Variants in PBX4 observed in about 807,000 individuals in gnomAD.
PBX4 encodes the protein pre-B-cell leukemia transcription factor 4.
In PBX4, 26 loss-of-function variants were observed where a neutral mutation model predicts 35.1. The ratio of observed to expected loss-of-function variants is 0.74; its 90% CI spans 0.54 to 1.03. The LOEUF is 1.03. PBX4 is among the 50% of genes least tolerant of loss of function. The pLI is 0.00. For synonymous variants in PBX4, 199 were observed against 204.2 expected, an observed-to-expected ratio of 0.97 and a Z score of 0.22; for missense variants, 448 against 504.3, an observed-to-expected ratio of 0.89 and a Z score of 1.07.
chr19:19,563,775 T>G lies in PBX4; in HGVS notation c.926-160A>C. ...CCCACCCAGGCAGGCCAGCGGGCCC[T>G]CCCCACCACACTACTCATGTCCCCT... On this transcript the variant is annotated intron_variant, in intron 6 of 7. Coordinates refer to ENST00000251203, the MANE Select transcript of PBX4 (RefSeq NM_025245.3). The surrounding 1 kb of genome is among the most constrained non-coding windows in gnomAD (Gnocchi z 5.1). 1 of 653,454 alleles carries G rather than the reference T, an allele frequency of 1.5e-6. No individual in the cohort carries two copies. The allele number at this position is 653,454 out of a possible 1,614,324, so 40.5% of individuals were successfully genotyped here.
intron 4 of PBX4, 142 bp from the exon 5 acceptor site, chr19:19,569,726 A>G (rs554384693): frequency 4.2e-6 from 5 of 1,178,558 alleles, no homozygotes; most frequent in East Asian, 5.1e-5. Flanking sequence ...CGTGGTCAAC[A>G]TAGTGAAACC....
chr19:19,606,195 T>TTTGTAAC, intron 1 of PBX4, among the ~76,000 whole-genome samples: 1 of 152,320 alleles, frequency 6.6e-6, no homozygotes, highest in South Asian at 2.1e-4. Flanking sequence ...AAGGTGATGG[T>TTTGTAAC]ATCATCTCTG....
intron 6 of PBX4, among the ~76,000 whole-genome samples, chr19:19,564,337 G>A (rs2061327634): frequency 6.6e-6 from 1 of 151,252 alleles, no homozygotes; most frequent in Non-Finnish European, 1.5e-5. Flanking sequence ...ATTTTTTATG[G>A]CTGCATAGTA....
At chr19:19,588,450 TG>T in intron 2 of PBX4, 1 of 966,696 alleles carries the variant, frequency 1.0e-6, no homozygotes, top group Non-Finnish European at 1.6e-6. Context: ...ACACAATTTT[TG>T]TATTTTTAGT....
chr19:19,589,577 C>T (rs549617932), intron 2 of PBX4, among the ~76,000 whole-genome samples: 2 of 152,162 alleles, frequency 1.3e-5, no homozygotes, highest in South Asian at 4.2e-4. Context: ...CGAAACCAGC[C>T]TGGCCAACGC....
intron 2 of PBX4, among the ~76,000 whole-genome samples, chr19:19,574,106 A>C (rs2061404411): frequency 6.6e-6 from 1 of 152,144 alleles, no homozygotes; most frequent in African/African-American, 2.4e-5. Context: ...CGAACTCCTG[A>C]GCTCAAGCGA....
chr19:19,613,253 G>C (rs1405505466), intron 1 of PBX4, among the ~76,000 whole-genome samples: 3 of 151,390 alleles, frequency 2.0e-5, no homozygotes, highest in Non-Finnish European at 3.0e-5. Context: ...ATCACCTGAG[G>C]TCAGGAGTTT....
rs1356593745 is a variant in PBX4, at chr19:19,562,150, T to C, written c.1033-33A>G. The C allele has an allele frequency of 1.3e-6, 2 of 1,554,474 alleles. No homozygotes were observed. The highest frequency in any genetic ancestry group is 2.3e-5 in the East Asian group (1 of 43,134). On this transcript the variant is annotated intron_variant, in intron 7 of 7. Coordinates refer to ENST00000251203, the MANE Select transcript of PBX4 (RefSeq NM_025245.3). This position sits in a 1 kb window ranked among gnomAD's most constrained non-coding sequence, Gnocchi z 4.8. ...GACAGAGACTGAGCATCAGAGTGGG[T>C]GGCCGTGAGACTGGTGACTACCCAG...
Position 19,562,191 on chromosome 19 carries a change from CGGAGCCTCCAG to C in PBX4, c.1033-85_1033-75del. The C allele has an allele frequency of 8.5e-7, 1 of 1,177,452 alleles. No individual in the cohort carries two copies. 72.9% of individuals were successfully genotyped at this position (1,177,452 alleles called of 1,614,324 possible). A position where few individuals can be genotyped will look rare whatever the true frequency, so the allele number is the denominator to read the frequency against. On this transcript the variant is annotated intron_variant, in intron 7 of 7. Coordinates refer to ENST00000251203, the MANE Select transcript of PBX4 (RefSeq NM_025245.3). This position sits in a 1 kb window ranked among gnomAD's most constrained non-coding sequence, Gnocchi z 4.8. ...GACTACCCAGCCCACGTGCTGCAGGCGGAGCCTCCAGGGGTCCCTGGGAAGGCTTGGAAAAG... is the reference window on the plus strand; with the variant it reads ...GACTACCCAGCCCACGTGCTGCAGGCGGGTCCCTGGGAAGGCTTGGAAAAG...
At chr19:19,609,778 G>C (rs914408876) in intron 1 of PBX4, among the ~76,000 whole-genome samples, 1 of 152,104 alleles carries the variant, frequency 6.6e-6, no homozygotes. Flanking sequence ...GTGAACCCGG[G>C]GGGCGGAGCT....
intron 2 of PBX4, among the ~76,000 whole-genome samples, chr19:19,578,497 G>A (rs2061434563): frequency 6.6e-6 from 1 of 152,266 alleles, no homozygotes; most frequent in African/African-American, 2.4e-5. Flanking sequence ...AGCTCCCCCA[G>A]GGCCCTTGAC....
chr19:19,612,339 A>G (rs2061666868), intron 1 of PBX4, among the ~76,000 whole-genome samples: 1 of 152,188 alleles, frequency 6.6e-6, no homozygotes, highest in Non-Finnish European at 1.5e-5. Context: ...TTTCCTTCTG[A>G]AAACAAACTT....
intron 1 of PBX4, among the ~76,000 whole-genome samples, chr19:19,601,418 G>T (rs1186728490): frequency 6.6e-6 from 1 of 152,164 alleles, no homozygotes; most frequent in Non-Finnish European, 1.5e-5. Flanking sequence ...AAAGTCATGG[G>T]GACAACTCTG....
In PBX4 at chr19:19,570,822, G is replaced by C; in HGVS notation, c.205C>G (p.Arg69Gly). 6.2e-7 allele frequency: 1 copy of C among 1,613,976 alleles called. No individual in the cohort carries two copies. The change falls in exon 3 of 8, where the codon CGT becomes GGT. Residue 69 changes from arginine (R) to glycine (G), a missense_variant. Arg to Gly is a moderately radical substitution (Grantham distance 125, BLOSUM62 -2). Transcript: ENST00000251203. ...EIKEKTVVSI[R>G]GIQDEDPPDA... ...GGGGGATCTTCGTCTTGAATGCCAC[G>C]GATGCTTACCACTAGATAAGAGAGA...
At chr19:19,578,946 G>A (rs746264424) in intron 2 of PBX4, among the ~76,000 whole-genome samples, 11 of 152,104 alleles carry the variant, frequency 7.2e-5, no homozygotes, top group South Asian at 2.1e-4. Flanking sequence ...GTAAGATGGC[G>A]GCCGCCTACA....
intron 2 of PBX4, chr19:19,588,510 C>T (rs2061505080): frequency 5.4e-6 from 3 of 551,544 alleles, no homozygotes; most frequent in African/African-American, 1.9e-5. Flanking sequence ...AACTCCTGAC[C>T]TCGTGATCTA....
intron 1 of PBX4, among the ~76,000 whole-genome samples, chr19:19,601,784 C>G (rs1158270164): frequency 1.3e-5 from 2 of 152,156 alleles, no homozygotes; most frequent in African/African-American, 4.8e-5. Context: ...GGCAAGGAAC[C>G]AGCCCATGGG....
At chr19:19,615,336 G>A (rs376791016) in intron 1 of PBX4, among the ~76,000 whole-genome samples, 5 of 151,252 alleles carry the variant, frequency 3.3e-5, no homozygotes, top group African/African-American at 7.3e-5. Context: ...GACAGAGCGC[G>A]GCCTTATATA....
At chr19:19,604,607 A>T (rs555368633) in intron 1 of PBX4, among the ~76,000 whole-genome samples, 2,224 of 4,600 alleles carry the variant, frequency 0.48, 73 homozygotes, top group Admixed American at 0.52. Flanking sequence ...TTTATTTTTA[A>T]TTTTTATTTT....
Sources: gnomAD v4.1 joint callset for allele counts (sites outside exome capture counted in the v4.1 genomes callset) on GRCh38, gnomAD v4.1.1 for gene constraint, Gnocchi (gnomAD v3.1) non-coding constraint, MANE v1.5 for transcripts, NCBI Gene and HGNC (gene_info 2026-07-23, HGNC 2026-07-21) for gene names.